The following RPA1 variants were observed in gnomAD, a reference collection of about 807,000 sequenced individuals.
The protein encoded by RPA1 is replication protein A1.
RPA1 carries 49 observed loss-of-function variants against 83.0 expected under a neutral mutation model. The ratio of observed to expected loss-of-function variants is 0.59; its 90% CI spans 0.47 to 0.75. The LOEUF (loss-of-function observed/expected upper bound fraction) is 0.75, where lower values mean the gene tolerates loss of function less well. RPA1 is among the 30% of genes least tolerant of loss of function. The pLI, the probability that RPA1 is intolerant of heterozygous loss-of-function variation, is 0.00. For synonymous variants in RPA1, 279 were observed against 281.8 expected (o/e 0.99, Z 0.10); for missense variants, 693 against 776.1 (o/e 0.89, Z 1.27).
Position 1,898,330 on chromosome 17 carries a change from C to G in RPA1, c.*1155C>G, listed in dbSNP as rs908708420. Reference sequence around the variant, plus strand: ...ATTTTATTGATGTTTACGCAGCAGTCTAACACCAACCACGCTTTGAAATGT... The same window carrying G: ...ATTTTATTGATGTTTACGCAGCAGTGTAACACCAACCACGCTTTGAAATGT... On this transcript the variant is annotated 3_prime_UTR_variant, in exon 17 of 17. Transcript: ENST00000254719. 2 of 152,212 alleles carry G rather than the reference C, an allele frequency of 1.3e-5. No homozygotes were observed. Among genetic ancestry groups the G allele is most frequent in the African/African-American group, 4.8e-5 (2 of 41,444 alleles). 9.4% of individuals were successfully genotyped at this position (152,212 alleles called of 1,614,324 possible).
chr17:1,834,872 A>AT (rs900464354), intron 1 of RPA1, among the ~76,000 whole-genome samples: 31 of 149,966 alleles, frequency 2.1e-4, no homozygotes, highest in East Asian at 7.8e-4. Flanking sequence ...CTTACTAGGG[A>AT]TTTTTTTTTT....
At chr17:1,876,158 C>T (rs181725104) in intron 7 of RPA1, among the ~76,000 whole-genome samples, 2 of 152,286 alleles carry the variant, frequency 1.3e-5, no homozygotes, top group African/African-American at 4.8e-5. Context: ...AAACAGGTGA[C>T]TTCGTCTTTG....
chr17:1,853,554 G>A (rs2151275257), intron 5 of RPA1, among the ~76,000 whole-genome samples: 1 of 152,302 alleles, frequency 6.6e-6, no homozygotes, highest in East Asian at 1.9e-4. Context: ...ATAGAGGCCT[G>A]CGCCTGTAAT....
intron 8 of RPA1, among the ~76,000 whole-genome samples, 161 bp from the exon 9 acceptor site, chr17:1,878,817 AATGCGGGTTCCTGGG>A (rs1488907947): frequency 2.6e-5 from 4 of 152,174 alleles, no homozygotes; most frequent in African/African-American, 9.6e-5. Context: ...GTGACTGTAA[AATGCGGGTTCCTGGG>A]ATGTCCGTAG....
At chr17:1,865,282 C>T (rs1017784690) in intron 5 of RPA1, among the ~76,000 whole-genome samples, 5 of 152,248 alleles carry the variant, frequency 3.3e-5, no homozygotes, top group East Asian at 1.9e-4. Flanking sequence ...CCATTGTGCC[C>T]GGACCTTCAA....
At chr17:1,853,385 G>T (rs1390822731) in intron 5 of RPA1, among the ~76,000 whole-genome samples, 196 bp downstream of exon 5, 1 of 152,134 alleles carries the variant, frequency 6.6e-6, no homozygotes, top group Non-Finnish European at 1.5e-5. Context: ...CAATTAGAAA[G>T]CAATGGACAA....
chr17:1,897,712 G>A lies in RPA1; in HGVS notation c.*537G>A, dbSNP rs1914497686. 1 of 157,344 alleles carries A rather than the reference G, an allele frequency of 6.4e-6. No homozygotes were observed. The highest frequency in any genetic ancestry group is 1.4e-5 in the Non-Finnish European group (1 of 70,568). The allele number at this position is 157,344 out of a possible 1,614,324, so 9.7% of individuals were successfully genotyped here. ...GTTGGTAATGCTTGGAATGGCAATAGGGTAGAATGATTAATCAAAGGCATA... is the reference window on the plus strand; with the variant it reads ...GTTGGTAATGCTTGGAATGGCAATAAGGTAGAATGATTAATCAAAGGCATA... On this transcript the variant is annotated 3_prime_UTR_variant, in exon 17 of 17. Coordinates refer to ENST00000254719, the MANE Select transcript of RPA1 (RefSeq NM_002945.5).
At chr17:1,860,693 C>T (rs1043303847) in intron 5 of RPA1, among the ~76,000 whole-genome samples, 2 of 152,088 alleles carry the variant, frequency 1.3e-5, no homozygotes, top group Non-Finnish European at 2.9e-5. Context: ...GTGTTAGGTC[C>T]GGATTTGTTT....
Position 1,884,187 on chromosome 17 carries a change from C to T in RPA1, c.1374+243C>T, listed in dbSNP as rs1913911570. Among the ~76,000 whole-genome samples the T allele has an allele frequency of 6.6e-6, 1 of 152,158 alleles. No homozygotes were observed. The highest frequency in any genetic ancestry group is 2.4e-5 in the African/African-American group (1 of 41,440). On this transcript the variant is annotated intron_variant, in intron 13 of 16. Transcript: ENST00000254719. This position sits in a 1 kb window ranked among gnomAD's most constrained non-coding sequence, Gnocchi z 4.1. Reference sequence around the variant, plus strand: ...GTCTGAAGAACTCTTAGAGTCAATTCCTAGAGGGATCTTGGAGCAGGGGTG... The same window carrying T: ...GTCTGAAGAACTCTTAGAGTCAATTTCTAGAGGGATCTTGGAGCAGGGGTG...
chr17:1,832,042 C>T (rs533079960), intron 1 of RPA1, among the ~76,000 whole-genome samples: 1 of 151,748 alleles, frequency 6.6e-6, no homozygotes, highest in African/African-American at 2.4e-5. Context: ...AGTTCTCGTG[C>T]CTCTGCCTCC....
intron 4 of RPA1, among the ~76,000 whole-genome samples, chr17:1,846,310 G>GC (rs935722204): frequency 1.1e-5 from 1 of 88,834 alleles, no homozygotes; most frequent in Non-Finnish European, 2.4e-5. Context: ...AGGAAGCTTT[G>GC]CTTTTTTTTT....
chr17:1,888,097 G>GT (rs1248614413), intron 13 of RPA1, among the ~76,000 whole-genome samples: 6 of 152,212 alleles, frequency 3.9e-5, no homozygotes, highest in African/African-American at 1.4e-4. Context: ...TGTGTCTGTA[G>GT]TTGCAGCAGA....
chr17:1,884,878 CTGAGTCGTAATCTT>C lies in RPA1; in HGVS notation c.1374+935_1374+948del, dbSNP rs1486809506. Among the ~76,000 whole-genome samples the C allele has an allele frequency of 6.6e-6, 1 of 152,180 alleles. No homozygotes were observed. Among genetic ancestry groups the C allele is most frequent in the East Asian group, 1.9e-4 (1 of 5,194 alleles). ...ATTGCTGAAAAATGCTGACAATCAT[CTGAGTCGTAATCTT>C]CTTGCTGGTGGGGGTTTGTTTCAGG... On this transcript the variant is annotated intron_variant, in intron 13 of 16. Coordinates refer to ENST00000254719, the MANE Select transcript of RPA1 (RefSeq NM_002945.5). The surrounding 1 kb of genome is among the most constrained non-coding windows in gnomAD (Gnocchi z 4.1).
At chr17:1,836,543 A>T (rs1173044047) in intron 1 of RPA1, among the ~76,000 whole-genome samples, 2 of 152,042 alleles carry the variant, frequency 1.3e-5, no homozygotes. Context: ...CCCCACCTCC[A>T]TCCTCACCCT....
intron 16 of RPA1, 136 bp downstream of exon 16, chr17:1,895,231 T>C (rs1465281221): frequency 9.0e-6 from 5 of 557,994 alleles, no homozygotes; most frequent in Non-Finnish European, 3.2e-6. Flanking sequence ...CCAACACAGG[T>C]GCTGTTATGA....
rs780729487 is a variant in RPA1 at position 1,853,089 on chromosome 17, C to T, written c.273-12C>T. The T allele has an allele frequency of 1.1e-5, 17 of 1,612,126 alleles. No homozygotes were observed. The East Asian group carries it at 3.1e-4, about 30-fold the overall frequency. On this transcript the variant is annotated splice_polypyrimidine_tract_variant and intron_variant, in intron 4 of 16. Coordinates refer to ENST00000254719, the MANE Select transcript of RPA1 (RefSeq NM_002945.5). ...GTTTTTCTAACCTGTTTCTGTTTGT[C>T]TGCTTTTGCAGGAGAGTAGTTATCT...
At chr17:1,870,874 GCT>G (rs1913353386) in intron 5 of RPA1, among the ~76,000 whole-genome samples, 2 of 152,140 alleles carry the variant, frequency 1.3e-5, no homozygotes, top group Admixed American at 6.5e-5. Context: ...TGTAGCAGGG[GCT>G]TATGTATTTT....
rs558695312 is a variant in RPA1 at position 1,859,269 on chromosome 17, G to T, written c.361+6080G>T. 7.2e-5 allele frequency among the ~76,000 whole-genome samples: 11 copies of T among 152,282 alleles called. No individual in the cohort carries two copies. In the East Asian group the frequency reaches 2.1e-3, roughly 29 times the overall value. On this transcript the variant is annotated intron_variant, in intron 5 of 16. Transcript: ENST00000254719. ...AATTCTGTGTGTACTTGAAAAGAAT[G>T]TGTATTCTGTTGTTGGGCAGAGTCT...
intron 13 of RPA1, among the ~76,000 whole-genome samples, chr17:1,886,427 C>G (rs947542404): frequency 2.0e-5 from 3 of 152,220 alleles, no homozygotes; most frequent in Admixed American, 2.0e-4. Context: ...GGAGAGTCAG[C>G]CTTTCCTTTG....
Sources: gnomAD v4.1 joint callset for allele counts (sites outside exome capture counted in the v4.1 genomes callset) on GRCh38, gnomAD v4.1.1 for gene constraint, Gnocchi (gnomAD v3.1) non-coding constraint, MANE v1.5 for transcripts, NCBI Gene and HGNC (gene_info 2026-07-23, HGNC 2026-07-21) for gene names.